Variants in LYZL2 observed in about 807,000 individuals in gnomAD.
The protein encoded by LYZL2 is lysozyme like 2.
Under a neutral mutation model 17.1 loss-of-function variants are expected in LYZL2, and 13 were observed. The ratio of observed to expected loss-of-function variants is 0.76; its 90% CI spans 0.49 to 1.21. The LOEUF (loss-of-function observed/expected upper bound fraction) is 1.21. LYZL2 is among the 50% of genes most tolerant of loss of function. The pLI, the probability that LYZL2 is intolerant of heterozygous loss-of-function variation, is 0.00. For synonymous variants in LYZL2, 63 were observed against 74.4 expected (o/e 0.85, Z 0.79); for missense variants, 166 against 189.2 (o/e 0.88, Z 0.72).
At chr10:30,621,104 T>G (rs1281531660) in intron 3 of LYZL2, among the ~76,000 whole-genome samples, 1 of 152,084 alleles carries the variant, frequency 6.6e-6, no homozygotes, top group Non-Finnish European at 1.5e-5. Context: ...AAAATGTTAA[T>G]GAATACCAAG....
chr10:30,622,404 C>T (rs1838637449), intron 3 of LYZL2, among the ~76,000 whole-genome samples: 1 of 151,968 alleles, frequency 6.6e-6, no homozygotes, highest in Non-Finnish European at 1.5e-5. Flanking sequence ...AAAAAATTAG[C>T]TGGGCGTGGT....
At chr10:30,621,479 G>C (rs1838618025) in intron 3 of LYZL2, among the ~76,000 whole-genome samples, 1 of 151,978 alleles carries the variant, frequency 6.6e-6, no homozygotes, top group Non-Finnish European at 1.5e-5. Flanking sequence ...AGCTGCTCAG[G>C]AGGCTGAGGC....
At chr10:30,626,965 C>T (rs1474822502) in intron 1 of LYZL2, 25 bp from the exon 2 acceptor site, 3 of 1,612,148 alleles carry the variant, frequency 1.9e-6, no homozygotes, top group Non-Finnish European at 2.5e-6. Flanking sequence ...GAGAACAGGT[C>T]AGACGATCTT....
At chr10:30,612,563 T>C (rs1280964875) in intron 4 of LYZL2, among the ~76,000 whole-genome samples, 1 of 152,212 alleles carries the variant, frequency 6.6e-6, no homozygotes, top group Non-Finnish European at 1.5e-5. Flanking sequence ...AAAATACCTT[T>C]CTCCATTGTT....
intron 3 of LYZL2, among the ~76,000 whole-genome samples, chr10:30,624,000 C>T (rs1211572861): frequency 6.6e-6 from 1 of 152,190 alleles, no homozygotes; most frequent in African/African-American, 2.4e-5. Context: ...CTGGGCATTC[C>T]TCTTGCCTTT....
chr10:30,618,790 A>C (rs1253939281), intron 3 of LYZL2, among the ~76,000 whole-genome samples: 5 of 152,140 alleles, frequency 3.3e-5, no homozygotes, highest in South Asian at 2.1e-4. Context: ...TCTAAAACAC[A>C]AAAAGCAATG....
chr10:30,617,725 A>T (rs909426790), intron 3 of LYZL2, among the ~76,000 whole-genome samples: 5 of 151,470 alleles, frequency 3.3e-5, no homozygotes, highest in African/African-American at 1.2e-4. Context: ...AAAAGAAAAG[A>T]AAAGAAAAAA....
chr10:30,606,336 A>C, the LYZL2 span, among the ~76,000 whole-genome samples: 1 of 149,992 alleles, frequency 6.7e-6, no homozygotes, highest in African/African-American at 2.5e-5. Flanking sequence ...AAATACCGAA[A>C]TAGAATAATA....
At chr10:30,620,555 C>T (rs958744169) in intron 3 of LYZL2, among the ~76,000 whole-genome samples, 4 of 152,042 alleles carry the variant, frequency 2.6e-5, no homozygotes, top group Non-Finnish European at 5.9e-5. Context: ...AGACAGGACC[C>T]GAGGACTCAC....
chr10:30,617,765 A>G (rs532533715), intron 3 of LYZL2, among the ~76,000 whole-genome samples: 27 of 152,074 alleles, frequency 1.8e-4, no homozygotes, highest in Non-Finnish European at 2.9e-4. Context: ...AAACTAGCAC[A>G]AGACAGGGAT....
At chr10:30,607,824 G>C (rs1819236943), downstream of LYZL2, among the ~76,000 whole-genome samples, 1 of 152,166 alleles carries the variant, frequency 6.6e-6, no homozygotes, top group Non-Finnish European at 1.5e-5. Context: ...ACTGCTCTCA[G>C]CCTGAGCCCT....
chr10:30,612,691 T>G, intron 4 of LYZL2, 131 bp downstream of exon 4: 2 of 665,232 alleles, frequency 3.0e-6, no homozygotes, highest in Non-Finnish European at 2.7e-6. Context: ...GAGGAGAATA[T>G]AGACAAGGTC....
rs552781142 is a variant in LYZL2 at position 30,619,508 on chromosome 10, T to C, written c.298+6597A>G. Among the ~76,000 whole-genome samples, 117 of 152,166 alleles carry C rather than the reference T, an allele frequency of 7.7e-4. 1 individual carries two copies. The South Asian group carries it at 0.011, about 15-fold the overall frequency. ...AATACTATGCAGCCATAAAAAAGGA[T>C]GAGTTCATGTCCTTTGTAGGGACAT... On this transcript the variant is annotated intron_variant, in intron 3 of 4. Coordinates refer to ENST00000647634, the MANE Select transcript of LYZL2 (RefSeq NM_183058.3).
rs568515405 is a variant in LYZL2 at position 30,626,121 on chromosome 10, G to T, written c.282C>A (p.Cys94Ter). ...RRGKLKENNHCHVACSALVTD... is the reference protein window; with the variant it reads ...RRGKLKENNH ...GAGCCTCACCTGAGCAGGCGACGTG[G>T]CAGTGGTTGTTCTCCTTCAGCTTTC... The change falls in exon 3 of 5, where the codon TGC (cysteine) becomes TGA (stop). Residue 94 changes from cysteine to a stop codon, truncating the protein, a stop_gained. Transcript: ENST00000647634. LOFTEE classifies it high-confidence loss of function. 1,448 of 1,614,152 alleles carry T rather than the reference G, an allele frequency of 9.0e-4. 21 individuals are homozygous for T. The South Asian group carries it at 0.015, about 17-fold the overall frequency.
downstream of LYZL2, among the ~76,000 whole-genome samples, chr10:30,608,362 G>GA (rs1341282829): frequency 6.6e-6 from 1 of 152,232 alleles, no homozygotes; most frequent in African/African-American, 2.4e-5. Flanking sequence ...GAGACACAGA[G>GA]AAAATCTTTC....
downstream of LYZL2, among the ~76,000 whole-genome samples, chr10:30,611,570 G>GAAGAAA (rs1554784962): frequency 1.8e-5 from 1 of 54,094 alleles, no homozygotes; most frequent in South Asian, 8.4e-4. Flanking sequence ...AAGGAAGGAA[G>GAAGAAA]GAAAGAAAGA....
At chr10:30,616,251 G>A (rs2814634) in intron 3 of LYZL2, among the ~76,000 whole-genome samples, 108,709 of 152,168 alleles carry the variant, frequency 0.71, 39,221 homozygotes, top group Middle Eastern at 0.8. Flanking sequence ...ATTTTTATTT[G>A]AAACAAAATT....
At chr10:30,624,205 C>T (rs534775145) in intron 3 of LYZL2, among the ~76,000 whole-genome samples, 1 of 152,340 alleles carries the variant, frequency 6.6e-6, no homozygotes, top group East Asian at 1.9e-4. Context: ...GAGGCCAACA[C>T]ACACAGTTGG....
intron 1 of LYZL2, among the ~76,000 whole-genome samples, chr10:30,628,956 G>A (rs1417795984): frequency 6.6e-6 from 1 of 152,210 alleles, no homozygotes; most frequent in African/African-American, 2.4e-5. Context: ...CTGCTGCAGT[G>A]GCAGAGTTGA....
Sources: gnomAD v4.1 joint callset for allele counts (sites outside exome capture counted in the v4.1 genomes callset) on GRCh38, gnomAD v4.1.1 for gene constraint, MANE v1.5 for transcripts, NCBI Gene and HGNC (gene_info 2026-07-23, HGNC 2026-07-21) for gene names.